Variants in FDX1 observed in about 807,000 individuals in gnomAD.
The protein encoded by FDX1 is adrenodoxin, mitochondrial.
A neutral mutation model predicts 14.9 loss-of-function variants in FDX1; 9 were observed. That is an observed-to-expected ratio of 0.60 (90% CI 0.36 to 1.05). FDX1 has a LOEUF of 1.05. Among genes scored for constraint, FDX1 ranks in the 50% least tolerant of loss-of-function variants. FDX1 has a pLI of 0.01. For missense variants in FDX1, 204 were observed against 237.2 expected (o/e 0.86, Z 0.92); for synonymous variants, 92 against 99.4 (o/e 0.93, Z 0.44).
rs1946364266 is a variant in FDX1, at chr11:110,435,814, AG to A, written c.186-18del. The A allele has an allele frequency of 6.4e-7, 1 of 1,570,392 alleles. No individual in the cohort carries two copies. Among genetic ancestry groups the A allele is most frequent in the Non-Finnish European group, 8.7e-7 (1 of 1,152,564 alleles). ...GTTTTGAAATTACTAAAAATACTAA[AG>A]GACTGTTTTTTTTTCCAGCTCAGAA... On this transcript the variant is annotated intron_variant, in intron 1 of 3. Coordinates refer to ENST00000260270, the MANE Select transcript of FDX1 (RefSeq NM_004109.5).
At chr11:110,448,812 C>G (rs1048203426) in intron 2 of FDX1, among the ~76,000 whole-genome samples, 2 of 152,068 alleles carry the variant, frequency 1.3e-5, no homozygotes, top group Non-Finnish European at 2.9e-5. Flanking sequence ...TTGCAGAAAC[C>G]AAAACTGTTG....
chr11:110,455,986 A>T (rs997785966), intron 2 of FDX1, among the ~76,000 whole-genome samples: 23 of 152,188 alleles, frequency 1.5e-4, no homozygotes, highest in Non-Finnish European at 1.9e-4. Context: ...GTCCTGGTTT[A>T]GTTGGACAAG....
At chr11:110,447,535 T>C (rs1946459699) in intron 2 of FDX1, among the ~76,000 whole-genome samples, 1 of 152,202 alleles carries the variant, frequency 6.6e-6, no homozygotes, top group African/African-American at 2.4e-5. Flanking sequence ...CTCTGCATTA[T>C]CTGGCCCCAT....
At chr11:110,444,049 A>G (rs997287672) in intron 2 of FDX1, among the ~76,000 whole-genome samples, 10 of 152,022 alleles carry the variant, frequency 6.6e-5, no homozygotes, top group Admixed American at 6.5e-4. Context: ...TTTGCTGTCT[A>G]GAAGCTCTTT....
At chr11:110,435,281 C>T (rs1246364625) in intron 1 of FDX1, among the ~76,000 whole-genome samples, 3 of 152,166 alleles carry the variant, frequency 2.0e-5, no homozygotes, top group Non-Finnish European at 2.9e-5. Flanking sequence ...AAACTTCTGG[C>T]GTCAAACAAT....
chr11:110,458,427 A>G (rs1946536226), intron 3 of FDX1, among the ~76,000 whole-genome samples: 1 of 152,210 alleles, frequency 6.6e-6, no homozygotes, highest in Non-Finnish European at 1.5e-5. Flanking sequence ...GGTAGCATTT[A>G]CAAAACACAT....
At chr11:110,461,831 G>A (rs1283386460) in intron 3 of FDX1, among the ~76,000 whole-genome samples, 2 of 152,152 alleles carry the variant, frequency 1.3e-5, no homozygotes, top group East Asian at 3.8e-4. Context: ...ATTTTAAGAT[G>A]CTTCTTGATT....
At chr11:110,443,964 C>A (rs191993957) in intron 2 of FDX1, among the ~76,000 whole-genome samples, 1 of 151,514 alleles carries the variant, frequency 6.6e-6, no homozygotes, top group African/African-American at 2.4e-5. Flanking sequence ...GGATATTAGA[C>A]CTTTGTTAGA....
At chr11:110,436,274 A>G (rs1411179486) in intron 2 of FDX1, among the ~76,000 whole-genome samples, 1 of 152,230 alleles carries the variant, frequency 6.6e-6, no homozygotes, top group Non-Finnish European at 1.5e-5. Context: ...TAAATGTCAT[A>G]GCACAGAGGG....
Position 110,462,584 on chromosome 11 carries a change from T to G in FDX1, c.*116T>G, listed in dbSNP as rs1946563012. On this transcript the variant is annotated 3_prime_UTR_variant, in exon 4 of 4. Coordinates refer to ENST00000260270, the MANE Select transcript of FDX1 (RefSeq NM_004109.5). ...GACTTCATATTATGACTAGCTTTAC[T>G]ATTTTAATTCACCTTGCATAACTAC... The G allele has an allele frequency of 6.3e-6, 3 of 477,488 alleles. No homozygotes were observed. The East Asian group carries it at 9.4e-5, about 15-fold the overall frequency. 29.6% of individuals were successfully genotyped at this position (477,488 alleles called of 1,614,324 possible).
At chr11:110,454,712 GTATA>G (rs1461415878) in intron 2 of FDX1, among the ~76,000 whole-genome samples, 1 of 152,108 alleles carries the variant, frequency 6.6e-6, no homozygotes, top group Non-Finnish European at 1.5e-5. Context: ...ATGGTTGCCA[GTATA>G]TATATTCATA....
At chr11:110,457,749 G>A (rs1476443741) in intron 3 of FDX1, among the ~76,000 whole-genome samples, 4 of 151,738 alleles carry the variant, frequency 2.6e-5, no homozygotes, top group South Asian at 2.1e-4. Flanking sequence ...AAAAATTAAA[G>A]ATAGTAATAA....
chr11:110,449,848 G>A (rs1473609365), intron 2 of FDX1, among the ~76,000 whole-genome samples: 2 of 152,086 alleles, frequency 1.3e-5, no homozygotes, highest in African/African-American at 4.8e-5. Context: ...GGCTGGTCTC[G>A]AATACCTGAC....
intron 2 of FDX1, among the ~76,000 whole-genome samples, chr11:110,454,638 T>C (rs1241995750): frequency 6.6e-6 from 1 of 152,232 alleles, no homozygotes; most frequent in Non-Finnish European, 1.5e-5. Flanking sequence ...TAAGAGTTTC[T>C]GTAACTTTGG....
chr11:110,431,611 T>A (rs1946332347), intron 1 of FDX1, among the ~76,000 whole-genome samples: 1 of 152,246 alleles, frequency 6.6e-6, no homozygotes, highest in South Asian at 2.1e-4. Flanking sequence ...TGTGGGTACC[T>A]TGCTTTCTGT....
intron 2 of FDX1, among the ~76,000 whole-genome samples, chr11:110,443,686 C>T (rs143314883): frequency 0.025 from 3,778 of 152,072 alleles, 156 homozygotes; most frequent in African/African-American, 0.083. Flanking sequence ...TCAAGTGATC[C>T]GCCTGCCTTG....
At position 110,457,053 on chromosome 11, in the gene FDX1, A is replaced by G. The variant is rs1463915010; in HGVS notation, c.440+6A>G. 1 of 1,607,306 alleles carries G rather than the reference A, an allele frequency of 6.2e-7. No individual in the cohort carries two copies. Among genetic ancestry groups the G allele is most frequent in the Admixed American group, 1.7e-5 (1 of 59,550 alleles). ...GCATATGGACTAACAGACAGGTAAG[A>G]TTTTTGGACTGCTTCAATTGTAATA... is the stretch of plus-strand genomic sequence containing the variant. On this transcript the variant is annotated splice_donor_region_variant and intron_variant, in intron 3 of 3. Transcript: ENST00000260270.
intron 2 of FDX1, among the ~76,000 whole-genome samples, chr11:110,444,748 G>GTATATATA (rs538386755): frequency 4.0e-4 from 12 of 29,840 alleles, no homozygotes; most frequent in African/African-American, 1.5e-3. Context: ...ATATATACAC[G>GTATATATA]TATATATATA....
intron 2 of FDX1, among the ~76,000 whole-genome samples, chr11:110,443,553 G>C (rs1946419597): frequency 6.7e-6 from 1 of 148,646 alleles, no homozygotes; most frequent in Non-Finnish European, 1.5e-5. Context: ...TGATTCTCCT[G>C]CCTTAGCCTC....
Sources: gnomAD v4.1 joint callset for allele counts (sites outside exome capture counted in the v4.1 genomes callset) on GRCh38, gnomAD v4.1.1 for gene constraint, MANE v1.5 for transcripts, NCBI Gene and HGNC (gene_info 2026-07-23, HGNC 2026-07-21) for gene names.